HEMK2: variants seen among roughly 807,000 people sequenced by gnomAD.
The protein encoded by HEMK2 is methyltransferase HEMK2.
chr21:28,834,316 C>T, the HEMK2 span, among the ~76,000 whole-genome samples: 669 of 152,316 alleles, frequency 4.4e-3, 7 homozygotes, highest in Non-Finnish European at 4.3e-3. Flanking sequence ...CTGGGAGACC[C>T]CCCAAAACTG....
the HEMK2 span, among the ~76,000 whole-genome samples, chr21:28,764,923 AC>A: frequency 6.6e-6 from 1 of 152,068 alleles, no homozygotes; most frequent in East Asian, 1.9e-4. Context: ...TGTCCCCTTG[AC>A]CCACCTGATA....
At chr21:28,691,662 G>A in the HEMK2 span, among the ~76,000 whole-genome samples, 1 of 152,036 alleles carries the variant, frequency 6.6e-6, no homozygotes, top group African/African-American at 2.4e-5. Flanking sequence ...TAGGATTAAC[G>A]ATATTTTAAA....
At chr21:28,611,434 C>A in the HEMK2 span, among the ~76,000 whole-genome samples, 1 of 152,072 alleles carries the variant, frequency 6.6e-6, no homozygotes, top group African/African-American at 2.4e-5. Flanking sequence ...TACAAAAGAT[C>A]ATTCAAGGCT....
At chr21:28,871,221 G>C in the HEMK2 span, among the ~76,000 whole-genome samples, 1 of 152,116 alleles carries the variant, frequency 6.6e-6, no homozygotes, top group East Asian at 1.9e-4. Context: ...CCTGAGACTG[G>C]GTAAAGAAAA....
chr21:28,787,327 C>T, the HEMK2 span, among the ~76,000 whole-genome samples: 1 of 152,108 alleles, frequency 6.6e-6, no homozygotes, highest in Non-Finnish European at 1.5e-5. Flanking sequence ...ACCAAGAACC[C>T]AAAAGCAAAT....
At chr21:28,836,895 G>T in the HEMK2 span, among the ~76,000 whole-genome samples, 1 of 151,860 alleles carries the variant, frequency 6.6e-6, no homozygotes, top group East Asian at 1.9e-4. Flanking sequence ...AAACTTTAAA[G>T]TAACAGCAGT....
At chr21:28,615,393 T>C in the HEMK2 span, among the ~76,000 whole-genome samples, 1 of 151,468 alleles carries the variant, frequency 6.6e-6, no homozygotes, top group Admixed American at 6.6e-5. Context: ...TCTCTGTCTC[T>C]GTCGCTGTCT....
chr21:28,693,839 A>C, the HEMK2 span, among the ~76,000 whole-genome samples: 1 of 151,980 alleles, frequency 6.6e-6, no homozygotes, highest in South Asian at 2.1e-4. Context: ...GAAAGAAGGA[A>C]GAAAGACTCT....
At chr21:28,785,313 T>A in the HEMK2 span, among the ~76,000 whole-genome samples, 1 of 152,230 alleles carries the variant, frequency 6.6e-6, no homozygotes, top group African/African-American at 2.4e-5. Flanking sequence ...TGATTTCAAA[T>A]TTTTAAATCA....
the HEMK2 span, among the ~76,000 whole-genome samples, chr21:28,801,223 C>G: frequency 6.6e-6 from 1 of 152,216 alleles, no homozygotes; most frequent in Non-Finnish European, 1.5e-5. Context: ...GGTGGCATAT[C>G]AAACCCATGG....
the HEMK2 span, among the ~76,000 whole-genome samples, chr21:28,735,683 G>C: frequency 6.6e-6 from 1 of 152,200 alleles, no homozygotes; most frequent in African/African-American, 2.4e-5. Flanking sequence ...ATTGGTTTCA[G>C]ACCTTGGACT....
chr21:28,806,880 C>G, the HEMK2 span, among the ~76,000 whole-genome samples: 1 of 152,104 alleles, frequency 6.6e-6, no homozygotes, highest in African/African-American at 2.4e-5. Flanking sequence ...TGATTTCAGA[C>G]CTCTAGCCTC....
chr21:28,788,982 T>C, the HEMK2 span, among the ~76,000 whole-genome samples: 1 of 152,114 alleles, frequency 6.6e-6, no homozygotes, highest in Non-Finnish European at 1.5e-5. Flanking sequence ...TTGCTGGGGC[T>C]ACAGAAACAA....
the HEMK2 span, among the ~76,000 whole-genome samples, chr21:28,706,072 A>T: frequency 6.6e-6 from 1 of 152,352 alleles, no homozygotes; most frequent in East Asian, 1.9e-4. Context: ...ATTAGGATGT[A>T]GACATCTTTG....
At chr21:28,595,848 G>A in the HEMK2 span, among the ~76,000 whole-genome samples, 3 of 151,806 alleles carry the variant, frequency 2.0e-5, no homozygotes, top group Non-Finnish European at 2.9e-5. Flanking sequence ...GCAGTGGCGC[G>A]ATCTTGGCTC....
chr21:28,862,141 G>A, the HEMK2 span, among the ~76,000 whole-genome samples: 1 of 152,150 alleles, frequency 6.6e-6, no homozygotes, highest in African/African-American at 2.4e-5. Flanking sequence ...AGTTTGCATA[G>A]AATACAGGAG....
At chr21:28,607,216 G>A in the HEMK2 span, among the ~76,000 whole-genome samples, 1 of 152,080 alleles carries the variant, frequency 6.6e-6, no homozygotes, top group Non-Finnish European at 1.5e-5. Flanking sequence ...TTCGTGACCA[G>A]CCTGGGCAAC....
At chr21:28,647,679 T>C in the HEMK2 span, among the ~76,000 whole-genome samples, 1 of 151,914 alleles carries the variant, frequency 6.6e-6, no homozygotes, top group Non-Finnish European at 1.5e-5. Context: ...GGGGCGAGGG[T>C]TGAGGGCTGC....
the HEMK2 span, among the ~76,000 whole-genome samples, chr21:28,796,100 A>G: frequency 8.5e-5 from 13 of 152,166 alleles, no homozygotes; most frequent in Non-Finnish European, 1.9e-4. Context: ...AGACAAACAG[A>G]AGAGTGATAC....
Sources: gnomAD v4.1 joint callset for allele counts (sites outside exome capture counted in the v4.1 genomes callset) on GRCh38, gnomAD v4.1.1 for gene constraint, MANE v1.5 for transcripts, NCBI Gene and HGNC (gene_info 2026-07-23, HGNC 2026-07-21) for gene names.